The following IMPG1 variants were observed in gnomAD, a reference collection of about 807,000 sequenced individuals.
The protein encoded by IMPG1 is interphotoreceptor matrix proteoglycan of 150 kDa.
A neutral mutation model predicts 92.0 loss-of-function variants in IMPG1; 85 were observed. The observed-to-expected ratio is 0.92, with a 90% CI of 0.78 to 1.11. The LOEUF is 1.11. IMPG1 is among the 50% of genes least tolerant of loss of function. The pLI is 0.00. For synonymous variants in IMPG1, 367 were observed against 334.1 expected (o/e 1.10, Z -1.08); for missense variants, 1,022 against 956.0 (o/e 1.07, Z -0.91).
chr6:76,028,821 G>GA (rs537703567), intron 4 of IMPG1, among the ~76,000 whole-genome samples: 142 of 145,690 alleles, frequency 9.7e-4, no homozygotes, highest in Non-Finnish European at 1.6e-3. Context: ...TCCGTCTCAA[G>GA]AAAAAAAAAA....
chr6:75,997,202 C>A (rs372971996), intron 12 of IMPG1, among the ~76,000 whole-genome samples: 26 of 152,266 alleles, frequency 1.7e-4, no homozygotes, highest in African/African-American at 5.8e-4. Flanking sequence ...CTTTAGATGA[C>A]ATTTTTCTTG....
intron 12 of IMPG1, among the ~76,000 whole-genome samples, chr6:75,980,776 T>C (rs915631886): frequency 3.3e-5 from 5 of 152,200 alleles, no homozygotes; most frequent in Admixed American, 2.6e-4. Context: ...AACTTGCAGA[T>C]GGCCTATTGT....
At chr6:75,984,230 C>T (rs2149470724) in intron 12 of IMPG1, among the ~76,000 whole-genome samples, 1 of 152,234 alleles carries the variant, frequency 6.6e-6, no homozygotes, top group East Asian at 1.9e-4. Flanking sequence ...ATATACAAAG[C>T]AAATACAATC....
At chr6:76,001,742 C>T (rs1475675480) in intron 12 of IMPG1, among the ~76,000 whole-genome samples, 2 of 152,136 alleles carry the variant, frequency 1.3e-5, no homozygotes, top group African/African-American at 2.4e-5. Context: ...AAAAGCTGTC[C>T]CTGCTGATCC....
intron 15 of IMPG1, among the ~76,000 whole-genome samples, chr6:75,926,517 T>G (rs1781552933): frequency 6.6e-6 from 1 of 152,196 alleles, no homozygotes; most frequent in African/African-American, 2.4e-5. Context: ...CTGTGTACCA[T>G]CATTTACTGA....
At chr6:75,924,746 T>TA (rs1299677412) in intron 15 of IMPG1, among the ~76,000 whole-genome samples, 1 of 73,782 alleles carries the variant, frequency 1.4e-5, no homozygotes, top group African/African-American at 5.1e-5. Context: ...ATATATAATA[T>TA]ATAATATATC....
At chr6:76,016,637 G>A (rs138244215) in intron 7 of IMPG1, among the ~76,000 whole-genome samples, 7 of 152,306 alleles carry the variant, frequency 4.6e-5, no homozygotes, top group Non-Finnish European at 8.8e-5. Flanking sequence ...GAAGAGGTAC[G>A]TATTGAATTC....
rs1169030839 is a variant in IMPG1 at position 76,021,798 on chromosome 6, T to TATATATATATATATATATATATAC, written c.666+317_666+318insGTATATATATATATATATATATAT. Among the ~76,000 whole-genome samples, 39 of 140,716 alleles carry TATATATATATATATATATATATAC rather than the reference T, an allele frequency of 2.8e-4. 2 individuals carry two copies. Among genetic ancestry groups the TATATATATATATATATATATATAC allele is most frequent in the African/African-American group, 1.0e-3 (39 of 38,498 alleles). 92.3% of individuals were successfully genotyped at this position (140,716 alleles called of 152,430 possible). A position where few individuals can be genotyped will look rare whatever the true frequency, so the allele number is the denominator to read the frequency against. On this transcript the variant is annotated intron_variant, in intron 6 of 16. Coordinates refer to ENST00000369950, the MANE Select transcript of IMPG1 (RefSeq NM_001563.4). Reference sequence around the variant, plus strand: ...GAGAGCATATATATATATATATATATATATGGTTTTGTTATATATATATAT... The same window carrying TATATATATATATATATATATATAC: ...GAGAGCATATATATATATATATATATATATATATATATATATATATATACATATGGTTTTGTTATATATATATAT...
intron 4 of IMPG1, among the ~76,000 whole-genome samples, chr6:76,025,744 A>G (rs547001747): frequency 6.6e-6 from 1 of 152,264 alleles, no homozygotes; most frequent in South Asian, 2.1e-4. Context: ...TGGGTAATAT[A>G]AATTTACTAA....
chr6:75,966,472 C>A (rs1231790912), intron 12 of IMPG1, among the ~76,000 whole-genome samples: 2 of 152,280 alleles, frequency 1.3e-5, no homozygotes, highest in East Asian at 3.9e-4. Context: ...CTTGCTCTCA[C>A]CCCCTCCTGC....
intron 1 of IMPG1, among the ~76,000 whole-genome samples, chr6:76,067,864 G>A (rs1252044144): frequency 3.3e-5 from 5 of 152,116 alleles, no homozygotes; most frequent in Non-Finnish European, 7.3e-5. Flanking sequence ...TTATTCCAGG[G>A]ATGCAAAGAC....
intron 12 of IMPG1, among the ~76,000 whole-genome samples, chr6:75,995,710 T>A (rs1782887390): frequency 6.6e-6 from 1 of 152,222 alleles, no homozygotes; most frequent in Admixed American, 6.5e-5. Flanking sequence ...TTCCACATTG[T>A]TTTTAGATTG....
intron 1 of IMPG1, among the ~76,000 whole-genome samples, chr6:76,061,028 T>C (rs1784196665): frequency 6.6e-6 from 1 of 152,120 alleles, no homozygotes; most frequent in African/African-American, 2.4e-5. Context: ...ATAATTAGTA[T>C]GCAAATACAG....
intron 1 of IMPG1, among the ~76,000 whole-genome samples, chr6:76,055,155 A>T (rs975092281): frequency 3.3e-5 from 5 of 152,050 alleles, no homozygotes; most frequent in Non-Finnish European, 5.9e-5. Flanking sequence ...CAAACATTGG[A>T]TATATACTGT....
At chr6:75,979,424 CTT>C (rs1782593051) in intron 12 of IMPG1, among the ~76,000 whole-genome samples, 1 of 152,190 alleles carries the variant, frequency 6.6e-6, no homozygotes, top group Non-Finnish European at 1.5e-5. Context: ...ATTAATGCCA[CTT>C]GTTGCACAGG....
At chr6:76,020,717 A>C (rs1055717338) in intron 6 of IMPG1, among the ~76,000 whole-genome samples, 1 of 152,164 alleles carries the variant, frequency 6.6e-6, no homozygotes, top group Non-Finnish European at 1.5e-5. Flanking sequence ...GTGAGGACTA[A>C]GCTCTGAGTT....
intron 13 of IMPG1, among the ~76,000 whole-genome samples, chr6:75,948,901 C>T (rs1298850625): frequency 6.6e-6 from 1 of 152,118 alleles, no homozygotes; most frequent in Admixed American, 6.6e-5. Flanking sequence ...CAAGTGGAAA[C>T]AGGGATGTAC....
intron 1 of IMPG1, among the ~76,000 whole-genome samples, chr6:76,068,052 C>T (rs768151218): frequency 6.6e-6 from 1 of 152,048 alleles, no homozygotes; most frequent in Non-Finnish European, 1.5e-5. Context: ...ATAATTAAAG[C>T]CGTGTATGAC....
chr6:76,027,696 G>A (rs12197369), intron 4 of IMPG1, among the ~76,000 whole-genome samples: 19,946 of 152,148 alleles, frequency 0.13, 1,455 homozygotes, highest in African/African-American at 0.15. Flanking sequence ...GGTTTTTTCC[G>A]TAAATTGAGC....
Sources: allele counts gnomAD v4.1 joint callset (sites outside exome capture counted in the v4.1 genomes callset), GRCh38; gene constraint gnomAD v4.1.1; transcripts MANE v1.5; gene names NCBI Gene and HGNC (gene_info 2026-07-23, HGNC 2026-07-21).